The following TAPT1 variants were observed in gnomAD, a reference collection of about 807,000 sequenced individuals.
TAPT1 encodes the protein transmembrane anterior posterior transformation protein 1 homolog.
TAPT1 carries 28 observed loss-of-function variants against 65.6 expected under a neutral mutation model. The observed-to-expected ratio is 0.43, with a 90% CI of 0.32 to 0.59. The LOEUF is 0.59. TAPT1 is among the 20% of genes least tolerant of loss of function. The pLI is 0.09. For synonymous variants in TAPT1, 278 were observed against 245.2 expected (o/e 1.13, Z -1.25); for missense variants, 563 against 679.9 (o/e 0.83, Z 1.91).
chr4:16,219,127 A>G (rs1198558470), intron 1 of TAPT1, among the ~76,000 whole-genome samples: 1 of 152,166 alleles, frequency 6.6e-6, no homozygotes, highest in African/African-American at 2.4e-5. Flanking sequence ...GCAGATGAAG[A>G]AACCAAGGCC....
chr4:16,164,623 G>A (rs911360877), intron 13 of TAPT1, among the ~76,000 whole-genome samples: 1 of 152,102 alleles, frequency 6.6e-6, no homozygotes, highest in Non-Finnish European at 1.5e-5. Context: ...GTAGAGATGG[G>A]ACTCACTAGG....
chr4:16,210,271 A>G (rs1750580529), intron 2 of TAPT1, among the ~76,000 whole-genome samples: 1 of 152,206 alleles, frequency 6.6e-6, no homozygotes, highest in South Asian at 2.1e-4. Context: ...CAGGGTTAGC[A>G]AAGTCGAATT....
chr4:16,205,479 G>C (rs35517826), intron 2 of TAPT1, among the ~76,000 whole-genome samples: 38,937 of 152,080 alleles, frequency 0.26, 5,927 homozygotes, highest in East Asian at 0.33. Context: ...TGGGAGGAAA[G>C]ACATCCTCTC....
chr4:16,191,366 G>A lies in TAPT1; in HGVS notation c.607C>T (p.Leu203=). The A allele has an allele frequency of 6.3e-7, 1 of 1,599,832 alleles. No individual in the cohort carries two copies. The highest frequency in any genetic ancestry group is 1.1e-5 in the South Asian group (1 of 87,880). The change falls in exon 4 of 14, where the codon CTG becomes TTG. Residue 203 remains leucine (L), a synonymous_variant. Coordinates refer to ENST00000405303, the MANE Select transcript of TAPT1 (RefSeq NM_153365.3). ...VIKLYIIYNM[L]EVADRLFSSF... ...GGGGTAAGCAAGGCCCTTACCTCCAGCATGTTGTAGATGATGTAGAGCTTG... is the reference window on the plus strand; with the variant it reads ...GGGGTAAGCAAGGCCCTTACCTCCAACATGTTGTAGATGATGTAGAGCTTG...
chr4:16,186,561 T>C lies in TAPT1; in HGVS notation c.890A>G (p.Asn297Ser), dbSNP rs919243956. 1.3e-6 allele frequency: 2 copies of C among 1,534,920 alleles called. No homozygotes were observed. Among genetic ancestry groups the C allele is most frequent in the African/African-American group, 1.4e-5 (1 of 72,916 alleles). ...KGSVFKKFEK[N>S]NLFQMSNSDI... is the part of the protein sequence containing the mutation. Reference sequence around the variant, plus strand: ...GCTATTTGACATTTGAAAGAGATTGTTCTTTTCAAACTTCTTGAAAACACT... The same window carrying C: ...GCTATTTGACATTTGAAAGAGATTGCTCTTTTCAAACTTCTTGAAAACACT... The change falls in exon 7 of 14, where the codon AAC becomes AGC. Residue 297 changes from asparagine to serine, a missense_variant. Asn to Ser is a conservative substitution (Grantham distance 46). This residue lies in a region of TAPT1 where 217 missense variants were observed against 317.5 expected (regional missense o/e 0.68). Coordinates refer to ENST00000405303, the MANE Select transcript of TAPT1 (RefSeq NM_153365.3).
At chr4:16,201,373 A>G (rs1750020293) in intron 3 of TAPT1, among the ~76,000 whole-genome samples, 1 of 152,200 alleles carries the variant, frequency 6.6e-6, no homozygotes, top group Non-Finnish European at 1.5e-5. Flanking sequence ...TTTATTAATT[A>G]TATATTTTAT....
In TAPT1 at chr4:16,162,541, G is replaced by A. The variant is rs1388029927; in HGVS notation, c.*767C>T. 1 of 147,116 alleles carries A rather than the reference G, an allele frequency of 6.8e-6. No homozygotes were observed. The highest frequency in any genetic ancestry group is 1.5e-5 in the Non-Finnish European group (1 of 67,768). The allele number at this position is 147,116 out of a possible 1,614,324, so 9.1% of individuals were successfully genotyped here. A position where few individuals can be genotyped will look rare whatever the true frequency, so the allele number is the denominator to read the frequency against. On this transcript the variant is annotated 3_prime_UTR_variant, in exon 14 of 14. Transcript: ENST00000405303. Reference sequence around the variant, plus strand: ...AAGTTAACACTGCTCTGCTTCCTTGGTGTAAAAAGTGCCCTTTTGTAAGGA... The same window carrying A: ...AAGTTAACACTGCTCTGCTTCCTTGATGTAAAAAGTGCCCTTTTGTAAGGA...
Position 16,176,112 on chromosome 4 carries a change from T to C in TAPT1, c.1107+7A>G. The C allele has an allele frequency of 7.2e-7, 1 of 1,389,312 alleles. No individual in the cohort carries two copies. The allele number at this position is 1,389,312 out of a possible 1,614,324, so 86.1% of individuals were successfully genotyped here. On this transcript the variant is annotated splice_region_variant and intron_variant, in intron 9 of 13. Coordinates refer to ENST00000405303, the MANE Select transcript of TAPT1 (RefSeq NM_153365.3). ...TTAAACATTGAAGTGCATATCAAAA[T>C]ACATACATCTGCAGTAATGTCATTG...
At chr4:16,165,233 A>G (rs1024021531) in intron 13 of TAPT1, among the ~76,000 whole-genome samples, 1 of 152,136 alleles carries the variant, frequency 6.6e-6, no homozygotes. Context: ...TCTCTTCAGC[A>G]TCTCCTCTAT....
chr4:16,226,896 T>TGCGAGGTGTCCGGCGGTCC (rs1751611082), upstream of TAPT1: 1 of 291,622 alleles, frequency 3.4e-6, no homozygotes, highest in Non-Finnish European at 6.6e-6. Context: ...GCCCGCAGTC[T>TGCGAGGTGTCCGGCGGTCC]GCGAGGTGTC....
At chr4:16,189,710 T>C (rs1407389915) in intron 4 of TAPT1, among the ~76,000 whole-genome samples, 1 of 152,226 alleles carries the variant, frequency 6.6e-6, no homozygotes, top group East Asian at 1.9e-4. Flanking sequence ...TTAAGCCACC[T>C]CATCAATTAT....
chr4:16,166,854 CATCT>C, intron 12 of TAPT1, 61 bp from the exon 13 acceptor site: 1 of 1,534,096 alleles, frequency 6.5e-7, no homozygotes, highest in South Asian at 1.1e-5. Flanking sequence ...CTGTGAATGC[CATCT>C]ACTACCATGG....
intron 1 of TAPT1, chr4:16,214,555 TATCTC>T (rs548282158): frequency 2.0e-5 from 3 of 152,242 alleles, no homozygotes; most frequent in Admixed American, 6.5e-5. Context: ...ACTCCATAGT[TATCTC>T]ATCTCAGGTG....
chr4:16,184,469 A>G (rs796830415), intron 7 of TAPT1, among the ~76,000 whole-genome samples: 127 of 152,344 alleles, frequency 8.3e-4, no homozygotes, highest in African/African-American at 2.9e-3. Flanking sequence ...AGCTGCCATA[A>G]TAATTCTTGC....
chr4:16,186,467 T>C lies in TAPT1; in HGVS notation c.916+68A>G. On this transcript the variant is annotated intron_variant, in intron 7 of 13. Coordinates refer to ENST00000405303, the MANE Select transcript of TAPT1 (RefSeq NM_153365.3). ...AGAGTGGCCCAGAGAAAATGTGCCA[T>C]TAGGATTTCAGAATGAACTGCAAAA... 1.6e-5 allele frequency: 16 copies of C among 1,027,552 alleles called. No individual in the cohort carries two copies. The South Asian group carries it at 2.1e-4, about 14-fold the overall frequency. The allele number at this position is 1,027,552 out of a possible 1,614,324, so 63.7% of individuals were successfully genotyped here. A position where few individuals can be genotyped will look rare whatever the true frequency, so the allele number is the denominator to read the frequency against.
chr4:16,226,544 C>T, upstream of TAPT1: 1 of 898,360 alleles, frequency 1.1e-6, no homozygotes, highest in Non-Finnish European at 1.3e-6. Context: ...CGCCCCTCGC[C>T]GGAGCCCGAG....
chr4:16,200,197 A>C (rs1157979136), intron 3 of TAPT1, among the ~76,000 whole-genome samples: 4 of 152,070 alleles, frequency 2.6e-5, no homozygotes, highest in Non-Finnish European at 5.9e-5. Flanking sequence ...AGAACATGAC[A>C]TGTCTTTAAA....
intron 2 of TAPT1, among the ~76,000 whole-genome samples, chr4:16,203,151 C>T (rs775069997): frequency 2.0e-5 from 3 of 152,130 alleles, no homozygotes; most frequent in Non-Finnish European, 2.9e-5. Context: ...GACACTCTTA[C>T]TTGTTAAGTT....
intron 12 of TAPT1, 119 bp downstream of exon 12, chr4:16,170,534 T>C: frequency 1.6e-6 from 1 of 628,808 alleles, no homozygotes; most frequent in South Asian, 2.4e-5. Flanking sequence ...GGTATAGCTG[T>C]TGAATGGAAA....
Sources: allele counts gnomAD v4.1 joint callset (sites outside exome capture counted in the v4.1 genomes callset), GRCh38; gene constraint gnomAD v4.1.1; regional missense constraint gnomAD v4.1.1; transcripts MANE v1.5; gene names NCBI Gene and HGNC (gene_info 2026-07-23, HGNC 2026-07-21).